KIAA0825: variants seen among roughly 807,000 people sequenced by gnomAD.
KIAA0825 encodes the protein uncharacterized protein KIAA0825.
In KIAA0825, 119 loss-of-function variants were observed where a neutral mutation model predicts 147.6. The ratio of observed to expected loss-of-function variants is 0.81; its 90% CI spans 0.69 to 0.94. KIAA0825 has a LOEUF of 0.94. KIAA0825 is among the 40% of genes least tolerant of loss of function. KIAA0825 has a pLI of 0.00. For synonymous variants in KIAA0825, 470 were observed against 518.1 expected, an observed-to-expected ratio of 0.91 and a Z score of 1.26; for missense variants, 1,381 against 1,472.7, an observed-to-expected ratio of 0.94 and a Z score of 1.02.
At chr5:94,159,845 C>A (rs1767384757) in intron 20 of KIAA0825, among the ~76,000 whole-genome samples, 1 of 152,118 alleles carries the variant, frequency 6.6e-6, no homozygotes, top group Non-Finnish European at 1.5e-5. Flanking sequence ...ACTTAAGCCT[C>A]CTGTTTAATG....
chr5:94,511,662 T>TAGA (rs1766497105), intron 5 of KIAA0825, among the ~76,000 whole-genome samples: 1 of 151,970 alleles, frequency 6.6e-6, no homozygotes, highest in African/African-American at 2.4e-5. Flanking sequence ...AGATGTTAAA[T>TAGA]AACAATTTTG....
chr5:94,187,883 A>G (rs1770288613), intron 20 of KIAA0825, among the ~76,000 whole-genome samples: 1 of 152,208 alleles, frequency 6.6e-6, no homozygotes, highest in African/African-American at 2.4e-5. Context: ...CACAATGTAC[A>G]TGCAATGGAC....
chr5:94,615,783 A>C (rs1790288108), intron 1 of KIAA0825: 1 of 151,390 alleles, frequency 6.6e-6, no homozygotes, highest in Non-Finnish European at 1.5e-5. Context: ...CTCGGTGGAT[A>C]AATAACATTT....
At chr5:94,338,512 T>C (rs1024291286) in intron 20 of KIAA0825, among the ~76,000 whole-genome samples, 6 of 152,164 alleles carry the variant, frequency 3.9e-5, no homozygotes, top group African/African-American at 1.4e-4. Context: ...ATGAACTACA[T>C]AGAAGACATT....
chr5:94,273,934 A>G (rs575048650), intron 20 of KIAA0825, among the ~76,000 whole-genome samples: 6 of 152,304 alleles, frequency 3.9e-5, no homozygotes, highest in African/African-American at 1.4e-4. Context: ...TTATTTTGCC[A>G]TAACTCCAAG....
At chr5:94,403,347 G>C (rs1261257578) in intron 16 of KIAA0825, among the ~76,000 whole-genome samples, 2 of 152,094 alleles carry the variant, frequency 1.3e-5, no homozygotes, top group Non-Finnish European at 2.9e-5. Context: ...TCCTGAACTG[G>C]TAATTAAATA....
chr5:94,237,067 G>GTC (rs1554248088), intron 20 of KIAA0825, among the ~76,000 whole-genome samples: 3 of 151,856 alleles, frequency 2.0e-5, no homozygotes, highest in African/African-American at 4.8e-5. Context: ...GTGTGTGTGT[G>GTC]TGTGTCTGTG....
chr5:94,593,477 T>A, intron 1 of KIAA0825: 1 of 675,082 alleles, frequency 1.5e-6, no homozygotes, highest in Non-Finnish European at 2.7e-6. Context: ...ATGGTACAGT[T>A]TCTTCGAAAC....
At chr5:94,163,574 A>C (rs965411433) in intron 20 of KIAA0825, among the ~76,000 whole-genome samples, 8 of 152,180 alleles carry the variant, frequency 5.3e-5, no homozygotes, top group Non-Finnish European at 1.2e-4. Flanking sequence ...TGATGTAAAG[A>C]GGATGTTATT....
At chr5:94,193,865 A>T (rs1203142616) in intron 20 of KIAA0825, among the ~76,000 whole-genome samples, 1 of 152,172 alleles carries the variant, frequency 6.6e-6, no homozygotes, top group Non-Finnish European at 1.5e-5. Context: ...ACTTTGTGAA[A>T]TGTCTTAAAG....
intron 2 of KIAA0825, among the ~76,000 whole-genome samples, chr5:94,555,958 A>C (rs923180151): frequency 6.6e-6 from 1 of 152,202 alleles, no homozygotes; most frequent in Non-Finnish European, 1.5e-5. Flanking sequence ...GATCTGCATT[A>C]GTAGAAAATT....
intron 13 of KIAA0825, among the ~76,000 whole-genome samples, chr5:94,443,633 A>G (rs1037231795): frequency 6.6e-6 from 1 of 152,198 alleles, no homozygotes; most frequent in Non-Finnish European, 1.5e-5. Context: ...CTATTTTTAT[A>G]AAATCATTGT....
rs1585068067 is a variant in KIAA0825 at position 94,617,486 on chromosome 5, T to C, written c.-153+1014A>G. The stretch of plus-strand genomic sequence containing the variant: ...CATATTGCATTTTTCTTTATCGGTA[T>C]GCTCCGATAAAGAAAATGTTTTTAT... On this transcript the variant is annotated intron_variant, in intron 1 of 20. Coordinates refer to ENST00000682413, the MANE Select transcript of KIAA0825 (RefSeq NM_001145678.3). 3.3e-5 allele frequency among the ~76,000 whole-genome samples: 5 copies of C among 152,270 alleles called. 1 individual carries two copies. The highest frequency in any genetic ancestry group is 3.3e-4 in the Admixed American group (5 of 15,290).
chr5:94,229,729 TTCTTA>T (rs535205678), intron 20 of KIAA0825, among the ~76,000 whole-genome samples: 364 of 152,214 alleles, frequency 2.4e-3, no homozygotes, highest in African/African-American at 8.2e-3. Context: ...ATTTCTTGTT[TTCTTA>T]TAGGTCATTT....
At chr5:94,543,436 C>T (rs542732202) in intron 2 of KIAA0825, among the ~76,000 whole-genome samples, 1 of 152,196 alleles carries the variant, frequency 6.6e-6, no homozygotes, top group South Asian at 2.1e-4. Context: ...GAGTGAGACT[C>T]TGTCTCAATA....
At chr5:94,453,721 T>C (rs1275176246) in intron 12 of KIAA0825, among the ~76,000 whole-genome samples, 1 of 152,144 alleles carries the variant, frequency 6.6e-6, no homozygotes, top group South Asian at 2.1e-4. Context: ...TCTCATGTTA[T>C]ATAATTTGTC....
chr5:94,540,283 C>G (rs1463905201), intron 2 of KIAA0825, among the ~76,000 whole-genome samples: 1 of 152,208 alleles, frequency 6.6e-6, no homozygotes, highest in Admixed American at 6.5e-5. Context: ...TTGTCATGAA[C>G]AGGTGTACCT....
At chr5:94,553,498 T>G (rs965052984) in intron 2 of KIAA0825, among the ~76,000 whole-genome samples, 13 of 148,902 alleles carry the variant, frequency 8.7e-5, no homozygotes, top group African/African-American at 2.7e-4. Flanking sequence ...GCGCAGTGGC[T>G]CATGCCTGTA....
chr5:94,452,924 G>C (rs966174176), intron 13 of KIAA0825, 35 bp downstream of exon 13: 32 of 1,052,272 alleles, frequency 3.0e-5, no homozygotes, highest in Middle Eastern at 2.3e-4. Flanking sequence ...AGGAATCATA[G>C]AATTATAGAT....
Sources: allele counts gnomAD v4.1 joint callset (sites outside exome capture counted in the v4.1 genomes callset), GRCh38; gene constraint gnomAD v4.1.1; transcripts MANE v1.5; gene names NCBI Gene and HGNC (gene_info 2026-07-23, HGNC 2026-07-21).